Variants in DDAH1 observed in about 807,000 individuals in gnomAD.
The protein encoded by DDAH1 is dimethylarginine dimethylaminohydrolase 1.
Under a neutral mutation model 28.8 loss-of-function variants are expected in DDAH1, and 19 were observed. The observed-to-expected ratio is 0.66, with a 90% CI of 0.46 to 0.97. The LOEUF (loss-of-function observed/expected upper bound fraction) is 0.97, where lower values mean the gene tolerates loss of function less well. Among genes scored for constraint, DDAH1 ranks in the 50% least tolerant of loss-of-function variants. DDAH1 has a pLI of 0.00. For synonymous variants in DDAH1, 153 were observed against 154.4 expected, an observed-to-expected ratio of 0.99 and a Z score of 0.07; for missense variants, 326 against 375.9, an observed-to-expected ratio of 0.87 and a Z score of 1.10.
intron 1 of DDAH1, among the ~76,000 whole-genome samples, chr1:85,567,955 T>C (rs1395967011): frequency 6.6e-6 from 1 of 152,044 alleles, no homozygotes; most frequent in Non-Finnish European, 1.5e-5. Context: ...TCTCAAGAAG[T>C]ATAAAAGAAT....
At chr1:85,331,252 A>G (rs1647740777) in intron 4 of DDAH1, among the ~76,000 whole-genome samples, 1 of 152,220 alleles carries the variant, frequency 6.6e-6, no homozygotes, top group African/African-American at 2.4e-5. Context: ...CTTTCTTTGT[A>G]TAATGGTAAT....
At chr1:85,371,239 C>A (rs1165837990) in intron 1 of DDAH1, among the ~76,000 whole-genome samples, 2 of 152,170 alleles carry the variant, frequency 1.3e-5, no homozygotes, top group Admixed American at 1.3e-4. Flanking sequence ...AATGAACTTT[C>A]CAGAGGTAAC....
intron 1 of DDAH1, among the ~76,000 whole-genome samples, chr1:85,545,626 A>G (rs991219816): frequency 7.2e-5 from 11 of 152,134 alleles, no homozygotes; most frequent in Non-Finnish European, 1.6e-4. Flanking sequence ...TATATCCAAA[A>G]TGTTCCCTTT....
intron 1 of DDAH1, among the ~76,000 whole-genome samples, chr1:85,552,208 C>G (rs12042061): frequency 6.6e-6 from 1 of 152,182 alleles, no homozygotes; most frequent in East Asian, 1.9e-4. Flanking sequence ...AGAAAGCCCT[C>G]TCCTTTCCAT....
intron 2 of DDAH1, among the ~76,000 whole-genome samples, chr1:85,480,327 T>C (rs1484789372): frequency 6.6e-6 from 1 of 152,148 alleles, no homozygotes; most frequent in Non-Finnish European, 1.5e-5. Flanking sequence ...AATAAACCTA[T>C]TCAGGATAGG....
intron 1 of DDAH1, among the ~76,000 whole-genome samples, chr1:85,361,176 G>C (rs1192940195): frequency 1.3e-5 from 2 of 152,178 alleles, no homozygotes; most frequent in Non-Finnish European, 2.9e-5. Context: ...TGGCATTGAG[G>C]TTCCGTTGAA....
In DDAH1 at chr1:85,464,615, C is replaced by A; in HGVS notation, c.303+128G>T. On this transcript the variant is annotated intron_variant, in intron 1 of 5. Coordinates refer to ENST00000284031, the MANE Select transcript of DDAH1 (RefSeq NM_012137.4). The surrounding 1 kb of genome is among the most constrained non-coding windows in gnomAD (Gnocchi z 4.4). ...ACACACACACACACACACACACTCG[C>A]CCCCCGACGGGAAGTTGTGAACTAC... The A allele has an allele frequency of 2.6e-6, 4 of 1,516,170 alleles. No homozygotes were observed. Among genetic ancestry groups the A allele is most frequent in the East Asian group, 5.0e-5 (2 of 40,366 alleles). 93.9% of individuals were successfully genotyped at this position (1,516,170 alleles called of 1,614,324 possible).
chr1:85,444,847 AC>A (rs921287284), intron 1 of DDAH1, among the ~76,000 whole-genome samples: 1 of 149,834 alleles, frequency 6.7e-6, no homozygotes, highest in African/African-American at 2.5e-5. Context: ...CTCTAGAGGA[AC>A]AGAACTAATG....
At position 85,558,340 on chromosome 1, in the gene DDAH1, C is replaced by T. The variant is rs573710808; in HGVS notation, c.-123+19644G>A. On this transcript the variant is annotated intron_variant, in intron 1 of 6. Coordinates refer to the DDAH1 transcript ENST00000426972. Reference sequence around the variant, plus strand: ...TCGCACGACTGCACTCCAGCCTGGGCGAAGGAGCAGGACTCTGTCACAAAA... The same window carrying T: ...TCGCACGACTGCACTCCAGCCTGGGTGAAGGAGCAGGACTCTGTCACAAAA... 3.3e-4 allele frequency among the ~76,000 whole-genome samples: 51 copies of T among 152,266 alleles called. 1 individual carries two copies. The highest frequency in any genetic ancestry group is 1.1e-3 in the African/African-American group (45 of 41,554).
At chr1:85,470,640 C>T (rs186423272) in intron 2 of DDAH1, among the ~76,000 whole-genome samples, 238 of 152,334 alleles carry the variant, frequency 1.6e-3, no homozygotes, top group Middle Eastern at 6.8e-3. Context: ...ATAATTATTA[C>T]ATAAATGTTT....
At chr1:85,450,670 G>A (rs541962111) in intron 1 of DDAH1, among the ~76,000 whole-genome samples, 4 of 152,282 alleles carry the variant, frequency 2.6e-5, no homozygotes, top group East Asian at 3.9e-4. Flanking sequence ...TGGGAAGAAG[G>A]CATAAAGGTA....
At chr1:85,383,500 T>C (rs778914354) in intron 1 of DDAH1, among the ~76,000 whole-genome samples, 1 of 152,202 alleles carries the variant, frequency 6.6e-6, no homozygotes, top group African/African-American at 2.4e-5. Flanking sequence ...GTTGAAATGA[T>C]AATAAAATAT....
intron 1 of DDAH1, among the ~76,000 whole-genome samples, chr1:85,523,495 T>C (rs1435891554): frequency 2.6e-5 from 4 of 152,272 alleles, no homozygotes; most frequent in East Asian, 3.9e-4. Flanking sequence ...GCATTTTGTA[T>C]GAAACATGGA....
chr1:85,476,880 G>C (rs112994350), intron 2 of DDAH1, among the ~76,000 whole-genome samples: 4 of 151,934 alleles, frequency 2.6e-5, no homozygotes, highest in African/African-American at 7.3e-5. Flanking sequence ...TTAAAAACAG[G>C]GTCCATAATA....
At chr1:85,546,385 G>T (rs1236963178) in intron 1 of DDAH1, among the ~76,000 whole-genome samples, 5 of 152,250 alleles carry the variant, frequency 3.3e-5, no homozygotes, top group Non-Finnish European at 5.9e-5. Context: ...CTTCGGTATT[G>T]ATATTGAAAT....
chr1:85,568,595 A>G (rs780338522), intron 1 of DDAH1, among the ~76,000 whole-genome samples: 2 of 152,206 alleles, frequency 1.3e-5, no homozygotes, highest in Admixed American at 6.5e-5. Flanking sequence ...GGCTATGCAC[A>G]TTAGGAACCC....
chr1:85,538,491 C>T (rs1222713944), intron 1 of DDAH1, among the ~76,000 whole-genome samples: 2 of 152,138 alleles, frequency 1.3e-5, no homozygotes, highest in African/African-American at 2.4e-5. Context: ...CGGGGGCCTA[C>T]CTCAATGATT....
rs1390449835 is a variant in DDAH1, at chr1:85,464,700, G to A, written c.303+43C>T. 1.4e-6 allele frequency: 2 copies of A among 1,435,464 alleles called. No homozygotes were observed. The highest frequency in any genetic ancestry group is 1.8e-6 in the Non-Finnish European group (2 of 1,100,760). The allele number at this position is 1,435,464 out of a possible 1,614,324, so 88.9% of individuals were successfully genotyped here. On this transcript the variant is annotated intron_variant, in intron 1 of 5. Transcript: ENST00000284031. The surrounding 1 kb of genome is among the most constrained non-coding windows in gnomAD (Gnocchi z 4.4). ...ACACGGCGGCCGGCGGCGGGGGAGG[G>A]CCTGGCGCGCGCCCCGGCCGCGCCC...
At chr1:85,324,919 A>G (rs1235652261) in intron 4 of DDAH1, 36 bp from the exon 5 acceptor site, 2 of 1,606,556 alleles carry the variant, frequency 1.2e-6, no homozygotes, top group Admixed American at 3.3e-5. Flanking sequence ...AAGAAGAGTA[A>G]CTCCCCACAC....
Sources: gnomAD v4.1 joint callset for allele counts (sites outside exome capture counted in the v4.1 genomes callset) on GRCh38, gnomAD v4.1.1 for gene constraint, Gnocchi (gnomAD v3.1) non-coding constraint, MANE v1.5 for transcripts, NCBI Gene and HGNC (gene_info 2026-07-23, HGNC 2026-07-21) for gene names.